The following SNX7 variants were observed in gnomAD, a reference collection of about 807,000 sequenced individuals.
The protein encoded by SNX7 is sorting nexin-7.
Under a neutral mutation model 48.4 loss-of-function variants are expected in SNX7, and 35 were observed. The observed-to-expected ratio is 0.72, with a 90% CI of 0.55 to 0.96. The LOEUF is 0.96. Among genes scored for constraint, SNX7 ranks in the 40% least tolerant of loss-of-function variants. The pLI is 0.00. For missense variants in SNX7, 553 were observed against 548.9 expected (o/e 1.01, Z -0.07); for synonymous variants, 190 against 190.2 (o/e 1.00, Z 0.01).
chr1:98,674,933 C>T (rs998907709), intron 1 of SNX7, among the ~76,000 whole-genome samples: 1 of 152,120 alleles, frequency 6.6e-6, no homozygotes, highest in Non-Finnish European at 1.5e-5. Context: ...GTTCTAGCTA[C>T]AGGAGTAAAC....
intron 1 of SNX7, among the ~76,000 whole-genome samples, chr1:98,682,775 T>G (rs1650572413): frequency 6.6e-6 from 1 of 152,208 alleles, no homozygotes; most frequent in Non-Finnish European, 1.5e-5. Flanking sequence ...ACCCAACCAG[T>G]GTCCTGTTCA....
intron 1 of SNX7, among the ~76,000 whole-genome samples, chr1:98,682,143 C>T (rs1422522846): frequency 1.3e-5 from 2 of 149,948 alleles, no homozygotes; most frequent in Non-Finnish European, 3.0e-5. Context: ...TTCTCTCTCA[C>T]CTTCTCTGTT....
At chr1:98,664,286 G>T (rs2100897198) in intron 1 of SNX7, among the ~76,000 whole-genome samples, 1 of 152,306 alleles carries the variant, frequency 6.6e-6, no homozygotes, top group South Asian at 2.1e-4. Flanking sequence ...CCAGCACTTT[G>T]GGAGGCTGAG....
At chr1:98,678,465 A>G (rs1036215614) in intron 1 of SNX7, among the ~76,000 whole-genome samples, 1 of 152,218 alleles carries the variant, frequency 6.6e-6, no homozygotes, top group African/African-American at 2.4e-5. Context: ...TATGTCTCAT[A>G]TATTTATTTC....
chr1:98,754,888 G>A (rs1654766187), intron 8 of SNX7, among the ~76,000 whole-genome samples: 1 of 151,262 alleles, frequency 6.6e-6, no homozygotes, highest in Admixed American at 6.6e-5. Flanking sequence ...TCAAGGTAAA[G>A]ACTAAAGGCA....
intron 7 of SNX7, among the ~76,000 whole-genome samples, chr1:98,723,860 CA>C (rs934017256): frequency 1.9e-4 from 27 of 142,690 alleles, no homozygotes; most frequent in South Asian, 4.5e-4. Flanking sequence ...GACTTTGACT[CA>C]AAAAAAAAAG....
At chr1:98,662,686 C>G (rs902197232) in intron 1 of SNX7, 1 of 1,289,036 alleles carries the variant, frequency 7.8e-7, no homozygotes, top group Non-Finnish European at 1.0e-6. Context: ...AGAAAAATAC[C>G]TTTCTTGCAG....
intron 1 of SNX7, among the ~76,000 whole-genome samples, chr1:98,684,493 C>G (rs1650675555): frequency 6.6e-6 from 1 of 152,118 alleles, no homozygotes; most frequent in Non-Finnish European, 1.5e-5. Flanking sequence ...GAGGCACTAG[C>G]TCGTTCCCTA....
intron 5 of SNX7, among the ~76,000 whole-genome samples, chr1:98,697,260 T>C (rs532859448): frequency 6.6e-6 from 1 of 152,254 alleles, no homozygotes; most frequent in African/African-American, 2.4e-5. Flanking sequence ...AAATGTTCAT[T>C]ACATAACAAC....
At chr1:98,685,304 T>C (rs966965679) in intron 2 of SNX7, among the ~76,000 whole-genome samples, 4 of 152,176 alleles carry the variant, frequency 2.6e-5, no homozygotes, top group Non-Finnish European at 5.9e-5. Context: ...GCAGCTATAC[T>C]TCTTAGAATA....
At chr1:98,701,495 G>C (rs1246660611) in intron 6 of SNX7, among the ~76,000 whole-genome samples, 1 of 151,616 alleles carries the variant, frequency 6.6e-6, no homozygotes, top group Non-Finnish European at 1.5e-5. Flanking sequence ...TGTTTGTTTT[G>C]CTCTTTACTA....
intron 1 of SNX7, among the ~76,000 whole-genome samples, chr1:98,678,431 T>A (rs976858136): frequency 2.0e-5 from 3 of 152,204 alleles, no homozygotes; most frequent in Admixed American, 2.0e-4. Flanking sequence ...ACATCCAAAC[T>A]ATATCAGTGT....
intron 8 of SNX7, among the ~76,000 whole-genome samples, chr1:98,742,944 A>G (rs1024046610): frequency 2.0e-5 from 3 of 152,020 alleles, no homozygotes. Context: ...TAATTTTCTT[A>G]TGATACATCA....
intron 1 of SNX7, chr1:98,677,301 A>G (rs1021578314): frequency 2.0e-5 from 3 of 152,156 alleles, no homozygotes; most frequent in African/African-American, 4.8e-5. Context: ...TTTTATTTAG[A>G]CAAAACTATT....
chr1:98,689,045 C>T (rs1301951443), intron 2 of SNX7, among the ~76,000 whole-genome samples: 1 of 152,122 alleles, frequency 6.6e-6, no homozygotes, highest in Non-Finnish European at 1.5e-5. Flanking sequence ...GCTGAGATTA[C>T]AGGTGCGTGC....
At chr1:98,689,858 T>C (rs1409340758) in intron 2 of SNX7, among the ~76,000 whole-genome samples, 1 of 152,218 alleles carries the variant, frequency 6.6e-6, no homozygotes, top group Non-Finnish European at 1.5e-5. Context: ...TTCCATATCA[T>C]GTACCATGTT....
chr1:98,751,215 C>T (rs745764123), intron 8 of SNX7, among the ~76,000 whole-genome samples: 2 of 152,014 alleles, frequency 1.3e-5, no homozygotes, highest in Non-Finnish European at 2.9e-5. Flanking sequence ...TCACCATTTA[C>T]TCTTTAGAAA....
chr1:98,667,102 A>C (rs1019747101), intron 1 of SNX7, among the ~76,000 whole-genome samples: 2 of 152,218 alleles, frequency 1.3e-5, no homozygotes, highest in African/African-American at 4.8e-5. Context: ...TTCCTGCATA[A>C]ACCAGTGAGC....
chr1:98,666,701 T>G (rs2100902217), intron 1 of SNX7, among the ~76,000 whole-genome samples: 1 of 152,280 alleles, frequency 6.6e-6, no homozygotes, highest in East Asian at 1.9e-4. Context: ...GCTGCTTTCC[T>G]TGAACTTGGG....
Sources: allele counts gnomAD v4.1 joint callset (sites outside exome capture counted in the v4.1 genomes callset), GRCh38; gene constraint gnomAD v4.1.1; transcripts MANE v1.5; gene names NCBI Gene and HGNC (gene_info 2026-07-23, HGNC 2026-07-21).